GPC6: variants seen among roughly 807,000 people sequenced by gnomAD.
GPC6 encodes glypican 6, also known as glypican-6.
A neutral mutation model predicts 55.2 loss-of-function variants in GPC6; 14 were observed. The ratio of observed to expected loss-of-function variants is 0.25; its 90% CI spans 0.17 to 0.40. GPC6 has a LOEUF of 0.40. GPC6 is among the 10% of genes least tolerant of loss of function. GPC6 has a pLI of 1.00. For missense variants in GPC6, 641 were observed against 708.5 expected, an observed-to-expected ratio of 0.90 and a Z score of 1.08; for synonymous variants, 278 against 259.6, an observed-to-expected ratio of 1.07 and a Z score of -0.68.
At chr13:94,139,809 G>C (rs903347769) in intron 4 of GPC6, among the ~76,000 whole-genome samples, 1 of 152,118 alleles carries the variant, frequency 6.6e-6, no homozygotes, top group Non-Finnish European at 1.5e-5. Flanking sequence ...ACCCCTGCCT[G>C]TTTCCTTAGT....
chr13:93,246,041 T>C (rs879163505), intron 1 of GPC6, among the ~76,000 whole-genome samples: 1 of 152,162 alleles, frequency 6.6e-6, no homozygotes, highest in African/African-American at 2.4e-5. Flanking sequence ...TGACTCTTAA[T>C]TAATTTTTGG....
chr13:93,894,439 A>T lies in GPC6; in HGVS notation c.711+63894A>T, dbSNP rs553578670. On this transcript the variant is annotated intron_variant, in intron 3 of 8. Transcript: ENST00000377047. ...TGTAAGCTATTTATAGTTGAAGTTC[A>T]TACATCTCATTATGTTCATCAGACT... Among the ~76,000 whole-genome samples the T allele has an allele frequency of 3.3e-5, 5 of 152,298 alleles. No individual in the cohort carries two copies. In the East Asian group the frequency reaches 9.6e-4, roughly 29 times the overall value.
At chr13:93,560,861 A>G (rs1012103994) in intron 2 of GPC6, among the ~76,000 whole-genome samples, 4 of 152,150 alleles carry the variant, frequency 2.6e-5, no homozygotes, top group Non-Finnish European at 4.4e-5. Context: ...CAAAGCAGAA[A>G]AATCAGCTGT....
At chr13:93,265,612 A>T (rs1877295051) in intron 1 of GPC6, among the ~76,000 whole-genome samples, 1 of 152,166 alleles carries the variant, frequency 6.6e-6, no homozygotes, top group South Asian at 2.1e-4. Context: ...TGAAAACCTG[A>T]AAAAATCTGA....
intron 2 of GPC6, among the ~76,000 whole-genome samples, chr13:93,590,137 G>A (rs1877394627): frequency 6.6e-6 from 1 of 152,126 alleles, no homozygotes; most frequent in East Asian, 1.9e-4. Flanking sequence ...AATCACCAGG[G>A]AATTTATTTA....
chr13:93,834,053 T>G (rs1213936770), intron 3 of GPC6, among the ~76,000 whole-genome samples: 5 of 152,210 alleles, frequency 3.3e-5, no homozygotes, highest in African/African-American at 1.2e-4. Flanking sequence ...GCTGGTGGAA[T>G]TATCAATTTA....
chr13:93,921,257 C>T (rs190183069), intron 3 of GPC6, among the ~76,000 whole-genome samples: 16 of 152,186 alleles, frequency 1.1e-4, no homozygotes, highest in East Asian at 3.9e-4. Context: ...TTTTTGGCTC[C>T]GGCCCCACAG....
At position 94,403,419 on chromosome 13, in the gene GPC6, G is replaced by T; in HGVS notation, c.*202G>T. ...ACTGAACTGCTTCCTCTTTCCTTCAGCTATCTGTGGGGACCTTGTTTATTC... is the reference window on the plus strand; with the variant it reads ...ACTGAACTGCTTCCTCTTTCCTTCATCTATCTGTGGGGACCTTGTTTATTC... On this transcript the variant is annotated 3_prime_UTR_variant, in exon 9 of 9. Coordinates refer to ENST00000377047, the MANE Select transcript of GPC6 (RefSeq NM_005708.5). The T allele has an allele frequency of 1.6e-6, 1 of 625,490 alleles. No individual in the cohort carries two copies. Among genetic ancestry groups the T allele is most frequent in the South Asian group, 1.8e-5 (1 of 57,006 alleles). 38.7% of individuals were successfully genotyped at this position (625,490 alleles called of 1,614,324 possible).
At chr13:94,358,915 C>T (rs892889015) in intron 6 of GPC6, among the ~76,000 whole-genome samples, 3 of 152,234 alleles carry the variant, frequency 2.0e-5, no homozygotes, top group Non-Finnish European at 4.4e-5. Flanking sequence ...AAATGTCAAG[C>T]GAAAGAGATT....
intron 2 of GPC6, among the ~76,000 whole-genome samples, chr13:93,682,526 C>A (rs1001377696): frequency 2.0e-5 from 3 of 151,996 alleles, no homozygotes; most frequent in African/African-American, 7.2e-5. Flanking sequence ...AGGGTGTAAG[C>A]GGCATTCCAC....
At chr13:93,484,178 C>G (rs1222078770) in intron 1 of GPC6, among the ~76,000 whole-genome samples, 2 of 152,128 alleles carry the variant, frequency 1.3e-5, no homozygotes, top group African/African-American at 4.8e-5. Flanking sequence ...GGGTTATTCT[C>G]TCACTACTTG....
chr13:93,515,490 G>T (rs1037698768), intron 1 of GPC6, among the ~76,000 whole-genome samples: 1 of 152,088 alleles, frequency 6.6e-6, no homozygotes, highest in African/African-American at 2.4e-5. Flanking sequence ...TTGGAGCTTG[G>T]ATTTTGCCTC....
At chr13:94,050,684 A>G (rs1252877902) in intron 4 of GPC6, among the ~76,000 whole-genome samples, 1 of 152,148 alleles carries the variant, frequency 6.6e-6, no homozygotes, top group East Asian at 1.9e-4. Flanking sequence ...AGAGAGCAAC[A>G]TGATTTTTCT....
At chr13:93,535,684 G>GAAA (rs200687324) in intron 1 of GPC6, among the ~76,000 whole-genome samples, 7,335 of 120,568 alleles carry the variant, frequency 0.061, 641 homozygotes, top group African/African-American at 0.21. Context: ...ACTTTTTTAG[G>GAAA]AAAAAAAAAA....
intron 6 of GPC6, among the ~76,000 whole-genome samples, chr13:94,326,025 C>T (rs111523170): frequency 6.6e-6 from 1 of 152,140 alleles, no homozygotes; most frequent in Non-Finnish European, 1.5e-5. Flanking sequence ...CCAAACATTT[C>T]CAGAATTTGC....
At chr13:93,228,314 T>C (rs751583358) in intron 1 of GPC6, among the ~76,000 whole-genome samples, 7 of 152,188 alleles carry the variant, frequency 4.6e-5, no homozygotes, top group Non-Finnish European at 1.0e-4. Context: ...CCAGTTGCTG[T>C]TGGCCACTCA....
chr13:93,220,483 C>T, the GPC6 span, among the ~76,000 whole-genome samples: 1 of 152,146 alleles, frequency 6.6e-6, no homozygotes, highest in Non-Finnish European at 1.5e-5. Flanking sequence ...TTATTAACTA[C>T]AAAAATGCAA....
chr13:93,231,510 A>G (rs74108032), intron 1 of GPC6, among the ~76,000 whole-genome samples: 5,868 of 148,602 alleles, frequency 0.039, 203 homozygotes, highest in East Asian at 0.093. Flanking sequence ...ATACGTTTCT[A>G]TTTTGTTCCA....
intron 1 of GPC6, among the ~76,000 whole-genome samples, chr13:93,458,376 G>A (rs1156242460): frequency 6.6e-6 from 1 of 151,880 alleles, no homozygotes; most frequent in East Asian, 1.9e-4. Context: ...AGCCATTTTT[G>A]TATTTATTTG....
Sources: allele counts gnomAD v4.1 joint callset (sites outside exome capture counted in the v4.1 genomes callset), GRCh38; gene constraint gnomAD v4.1.1; transcripts MANE v1.5; gene names NCBI Gene and HGNC (gene_info 2026-07-23, HGNC 2026-07-21).